FNDC3A: variants seen among roughly 807,000 people sequenced by gnomAD.
FNDC3A encodes fibronectin type III domain containing 3A.
FNDC3A carries 32 observed loss-of-function variants against 148.9 expected under a neutral mutation model. The ratio of observed to expected loss-of-function variants is 0.21; its 90% CI spans 0.16 to 0.29. FNDC3A has a LOEUF of 0.29. FNDC3A is among the 10% of genes least tolerant of loss of function. FNDC3A has a pLI of 1.00. For missense variants in FNDC3A, 1,191 were observed against 1,452.8 expected, an observed-to-expected ratio of 0.82 and a Z score of 2.93; for synonymous variants, 472 against 473.6, an observed-to-expected ratio of 1.00 and a Z score of 0.04.
At chr13:49,048,071 A>G (rs1482600880) in intron 2 of FNDC3A, among the ~76,000 whole-genome samples, 1 of 151,846 alleles carries the variant, frequency 6.6e-6, no homozygotes, top group Non-Finnish European at 1.5e-5. Context: ...CCCACTTTAC[A>G]TTTTTGTTTG....
chr13:49,057,956 A>G (rs914196531), intron 2 of FNDC3A, among the ~76,000 whole-genome samples: 4 of 152,168 alleles, frequency 2.6e-5, no homozygotes, highest in African/African-American at 9.7e-5. Context: ...TTATATGTTG[A>G]AGTCCTAACC....
chr13:49,128,431 T>C (rs1449337378), intron 4 of FNDC3A, among the ~76,000 whole-genome samples: 1 of 152,208 alleles, frequency 6.6e-6, no homozygotes, highest in Non-Finnish European at 1.5e-5. Context: ...ATGTTTTTGT[T>C]GCCCTCTGTG....
In FNDC3A at chr13:49,175,544, A is replaced by G; in HGVS notation, c.1530+3A>G. 6.3e-7 allele frequency: 1 copy of G among 1,592,922 alleles called. No homozygotes were observed. Among genetic ancestry groups the G allele is most frequent in the Non-Finnish European group, 8.6e-7 (1 of 1,166,436 alleles). On this transcript the variant is annotated splice_donor_region_variant and intron_variant, in intron 13 of 25. Transcript: ENST00000492622. ...TAGAGATGGAGGAAGAAACTTCAGT[A>G]AGTGCAAATATGGATTTTAAATAGT...
chr13:49,166,689 C>T (rs1884480783), intron 8 of FNDC3A, among the ~76,000 whole-genome samples: 1 of 152,182 alleles, frequency 6.6e-6, no homozygotes, highest in Non-Finnish European at 1.5e-5. Context: ...CCACACTGGA[C>T]AACCTTTCTA....
intron 1 of FNDC3A, among the ~76,000 whole-genome samples, chr13:48,994,279 GA>G (rs1279762094): frequency 3.3e-5 from 5 of 152,202 alleles, no homozygotes; most frequent in African/African-American, 1.2e-4. Context: ...TAGATTAAAA[GA>G]GGTTTTTAAA....
chr13:49,075,131 T>C (rs561704640), intron 2 of FNDC3A, among the ~76,000 whole-genome samples, 158 bp from the exon 3 acceptor site: 1 of 152,240 alleles, frequency 6.6e-6, no homozygotes, highest in African/African-American at 2.4e-5. Context: ...AAAAGTGATG[T>C]CACATTTTTT....
At chr13:49,116,612 C>G (rs1880977716) in intron 4 of FNDC3A, among the ~76,000 whole-genome samples, 1 of 152,044 alleles carries the variant, frequency 6.6e-6, no homozygotes, top group African/African-American at 2.4e-5. Flanking sequence ...CTGGTGAAAC[C>G]CTGTCTCTAC....
At chr13:49,010,935 A>G (rs1480976181) in intron 2 of FNDC3A, among the ~76,000 whole-genome samples, 2 of 152,194 alleles carry the variant, frequency 1.3e-5, no homozygotes, top group African/African-American at 2.4e-5. Flanking sequence ...GTCTTATTCA[A>G]TATTGTTTTA....
intron 6 of FNDC3A, among the ~76,000 whole-genome samples, chr13:49,137,165 A>G (rs981592942): frequency 6.6e-6 from 1 of 152,120 alleles, no homozygotes; most frequent in Admixed American, 6.5e-5. Flanking sequence ...CTTTTTGAGT[A>G]AAACCTTGAT....
In FNDC3A at chr13:49,054,721, G is replaced by A. The variant is rs190287635; in HGVS notation, c.100-20568G>A. Among the ~76,000 whole-genome samples, 146 of 152,308 alleles carry A rather than the reference G, an allele frequency of 9.6e-4. 1 individual carries two copies. The highest frequency in any genetic ancestry group is 3.4e-3 in the African/African-American group (140 of 41,580). ...AAGGTGGCCTTATTCTCCCAGAGCGGCGTCCCCTCATGGGCAGAGAGGAGC... is the reference window on the plus strand; with the variant it reads ...AAGGTGGCCTTATTCTCCCAGAGCGACGTCCCCTCATGGGCAGAGAGGAGC... On this transcript the variant is annotated intron_variant, in intron 2 of 25. Transcript: ENST00000492622.
chr13:48,994,853 A>C (rs1015811617), intron 1 of FNDC3A, among the ~76,000 whole-genome samples: 5 of 152,108 alleles, frequency 3.3e-5, no homozygotes, highest in African/African-American at 4.8e-5. Context: ...CAAGACAGGA[A>C]GTGGGGTATA....
intron 3 of FNDC3A, among the ~76,000 whole-genome samples, chr13:49,084,899 A>G: frequency 6.6e-6 from 1 of 152,074 alleles, no homozygotes; most frequent in East Asian, 1.9e-4. Flanking sequence ...CCCCTCATTA[A>G]AGAAGTAACC....
At chr13:49,182,951 C>A (rs1885382279) in intron 14 of FNDC3A, among the ~76,000 whole-genome samples, 1 of 152,092 alleles carries the variant, frequency 6.6e-6, no homozygotes, top group South Asian at 2.1e-4. Flanking sequence ...ATATAACTGC[C>A]TTCAGGCTCT....
intron 4 of FNDC3A, among the ~76,000 whole-genome samples, chr13:49,127,863 A>G (rs1881794464): frequency 6.6e-6 from 1 of 151,122 alleles, no homozygotes; most frequent in Non-Finnish European, 1.5e-5. Flanking sequence ...TCATCAGCTA[A>G]TCTTGTCTTG....
rs7317908 is a variant in FNDC3A at position 49,181,991 on chromosome 13, G to A, written c.1617+3337G>A. Among the ~76,000 whole-genome samples, 70 of 151,826 alleles carry A rather than the reference G, an allele frequency of 4.6e-4. No homozygotes were observed. In the Middle Eastern group the frequency reaches 0.017, roughly 37 times the overall value. On this transcript the variant is annotated intron_variant, in intron 14 of 25. Coordinates refer to ENST00000492622, the MANE Select transcript of FNDC3A (RefSeq NM_001079673.2). The stretch of plus-strand genomic sequence containing the variant: ...AAAATAAAATTTTATTTATTTATTT[G>A]TTTATTTTGAGACAGGGGCTCACAC...
chr13:49,110,286 C>G, intron 3 of FNDC3A: 1 of 1,485,902 alleles, frequency 6.7e-7, no homozygotes. Context: ...GGATCTTTTC[C>G]TCTTACAGCC....
intron 8 of FNDC3A, among the ~76,000 whole-genome samples, chr13:49,164,514 C>A (rs954499923): frequency 3.9e-5 from 6 of 152,002 alleles, no homozygotes; most frequent in Non-Finnish European, 5.9e-5. Flanking sequence ...CTTTTATTTT[C>A]TCTTCACCGT....
At chr13:48,990,588 CAAAAAA>C (rs58007137) in intron 1 of FNDC3A, among the ~76,000 whole-genome samples, 6 of 58,136 alleles carry the variant, frequency 1.0e-4, no homozygotes, top group South Asian at 1.4e-3. Flanking sequence ...CCTGTCTCTC[CAAAAAA>C]AAAAAAAAAA....
chr13:49,114,860 A>G (rs771529758), intron 4 of FNDC3A, 129 bp downstream of exon 4: 12 of 715,862 alleles, frequency 1.7e-5, no homozygotes, highest in Non-Finnish European at 2.7e-5. Context: ...TATCTATCAT[A>G]AATCTATTTC....
Sources: allele counts gnomAD v4.1 joint callset (sites outside exome capture counted in the v4.1 genomes callset), GRCh38; gene constraint gnomAD v4.1.1; transcripts MANE v1.5; gene names NCBI Gene and HGNC (gene_info 2026-07-23, HGNC 2026-07-21).